The following CDKL4 variants were observed in gnomAD, a reference collection of about 807,000 sequenced individuals.
CDKL4 encodes the protein cyclin dependent kinase like 4, also known as cyclin-dependent kinase-like 4.
A neutral mutation model predicts 42.0 loss-of-function variants in CDKL4; 44 were observed. The ratio of observed to expected loss-of-function variants is 1.05; its 90% CI spans 0.82 to 1.35. CDKL4 has a LOEUF of 1.35. CDKL4 is among the 40% of genes most tolerant of loss of function. The pLI is 0.00. For missense variants in CDKL4, 393 were observed against 369.9 expected, an observed-to-expected ratio of 1.06 and a Z score of -0.51; for synonymous variants, 120 against 121.6, an observed-to-expected ratio of 0.99 and a Z score of 0.09.
chr2:39,230,121 T>G (rs1399559008), intron 1 of CDKL4, among the ~76,000 whole-genome samples: 1 of 152,260 alleles, frequency 6.6e-6, no homozygotes, highest in East Asian at 1.9e-4. Flanking sequence ...GGCTCAAGCC[T>G]GTAATCCCAG....
intron 5 of CDKL4, among the ~76,000 whole-genome samples, chr2:39,191,032 C>T (rs531962277): frequency 1.3e-5 from 2 of 152,242 alleles, no homozygotes; most frequent in South Asian, 2.1e-4. Flanking sequence ...GAATGCCAAG[C>T]GATACTGGAG....
chr2:39,212,265 A>C (rs1283045454), intron 4 of CDKL4, among the ~76,000 whole-genome samples: 19 of 149,474 alleles, frequency 1.3e-4, no homozygotes, highest in Non-Finnish European at 2.7e-4. Flanking sequence ...ACAGAGTCTC[A>C]CACTGTCGCC....
intron 5 of CDKL4, among the ~76,000 whole-genome samples, chr2:39,200,510 A>C (rs985523375): frequency 6.6e-6 from 1 of 152,078 alleles, no homozygotes. Context: ...TATAGAACCA[A>C]AAAAAGAGCC....
intron 1 of CDKL4, among the ~76,000 whole-genome samples, chr2:39,237,168 A>G (rs751726216): frequency 2.0e-5 from 3 of 152,252 alleles, no homozygotes; most frequent in Non-Finnish European, 4.4e-5. Flanking sequence ...CAAAATAATT[A>G]GCAAACCAAA....
At chr2:39,222,716 T>C (rs553571058) in intron 3 of CDKL4, among the ~76,000 whole-genome samples, 226 of 152,132 alleles carry the variant, frequency 1.5e-3, no homozygotes, top group African/African-American at 5.1e-3. Context: ...AGGATACAAG[T>C]AGGGAAGAGA....
chr2:39,183,192 AC>A (rs1407269309), intron 8 of CDKL4, among the ~76,000 whole-genome samples: 2 of 152,026 alleles, frequency 1.3e-5, no homozygotes, highest in Admixed American at 1.3e-4. Context: ...AGGCAGGAGA[AC>A]CACTCGAACC....
At chr2:39,228,263 T>C (rs1430816245) in intron 2 of CDKL4, among the ~76,000 whole-genome samples, 2 of 152,208 alleles carry the variant, frequency 1.3e-5, no homozygotes, top group Non-Finnish European at 2.9e-5. Context: ...CAGAGCTGGC[T>C]AGCTGACCGG....
intron 3 of CDKL4, among the ~76,000 whole-genome samples, chr2:39,216,621 A>G (rs1677934711): frequency 6.6e-6 from 1 of 152,160 alleles, no homozygotes; most frequent in African/African-American, 2.4e-5. Context: ...GGCAGCAGTG[A>G]GAGGAAGGGA....
intron 7 of CDKL4, among the ~76,000 whole-genome samples, chr2:39,185,127 CAT>C (rs1286075565): frequency 6.0e-5 from 8 of 134,366 alleles, no homozygotes; most frequent in Non-Finnish European, 1.1e-4. Flanking sequence ...TATACACACA[CAT>C]ATATATACAT....
chr2:39,170,645 C>T, the CDKL4 span, among the ~76,000 whole-genome samples: 20 of 151,912 alleles, frequency 1.3e-4, no homozygotes, highest in Admixed American at 1.2e-3. Context: ...TTAGGAGAGA[C>T]GGGGTTTCGC....
intron 4 of CDKL4, among the ~76,000 whole-genome samples, chr2:39,209,353 A>G (rs1414977691): frequency 1.3e-5 from 2 of 151,638 alleles, no homozygotes; most frequent in Non-Finnish European, 2.9e-5. Context: ...CCATTTTGAG[A>G]TGAAGCCCCT....
intron 4 of CDKL4, among the ~76,000 whole-genome samples, chr2:39,210,504 C>A (rs529199533): frequency 6.6e-6 from 1 of 152,220 alleles, no homozygotes; most frequent in African/African-American, 2.4e-5. Context: ...TCCACCCATC[C>A]CTCCATCCAG....
At chr2:39,233,332 T>C (rs1466553100) in intron 1 of CDKL4, among the ~76,000 whole-genome samples, 3 of 151,882 alleles carry the variant, frequency 2.0e-5, no homozygotes, top group East Asian at 1.9e-4. Context: ...AAAAGTAACA[T>C]GGGTCTCAAG....
chr2:39,240,578 A>G (rs1391549767), intron 1 of CDKL4, among the ~76,000 whole-genome samples: 1 of 151,996 alleles, frequency 6.6e-6, no homozygotes, highest in Admixed American at 6.6e-5. Context: ...CCAAATGTTC[A>G]TCAACTGATG....
exon 7 of CDKL4, chr2:39,187,693 T>C (rs987641140): frequency 3.7e-6 from 6 of 1,611,280 alleles, no homozygotes; most frequent in Admixed American, 3.3e-5. Flanking sequence ...TTGATTGATG[T>C]CTTGGGATTA....
intron 3 of CDKL4, among the ~76,000 whole-genome samples, chr2:39,225,404 CAA>C (rs3086271): frequency 2.4e-5 from 3 of 122,904 alleles, no homozygotes; most frequent in African/African-American, 8.9e-5. Context: ...GACTCCATCT[CAA>C]AAAAAAAAAA....
intron 3 of CDKL4, among the ~76,000 whole-genome samples, chr2:39,222,366 G>A (rs546206741): frequency 6.6e-6 from 1 of 152,282 alleles, no homozygotes; most frequent in East Asian, 1.9e-4. Flanking sequence ...GAGGCAGGTG[G>A]ATCACCTGAG....
chr2:39,235,901 G>A (rs1294526656), intron 1 of CDKL4, among the ~76,000 whole-genome samples: 1 of 151,794 alleles, frequency 6.6e-6, no homozygotes, highest in Admixed American at 6.6e-5. Context: ...AAAAAAATAT[G>A]AGACATGCTA....
At chr2:39,181,379 T>A (rs1009324607) in intron 8 of CDKL4, among the ~76,000 whole-genome samples, 1 of 152,182 alleles carries the variant, frequency 6.6e-6, no homozygotes, top group African/African-American at 2.4e-5. Flanking sequence ...TTCTAGGTGA[T>A]CTCTTTGCTG....
Sources: gnomAD v4.1 joint callset for allele counts (sites outside exome capture counted in the v4.1 genomes callset) on GRCh38, gnomAD v4.1.1 for gene constraint, MANE v1.5 for transcripts, NCBI Gene and HGNC (gene_info 2026-07-23, HGNC 2026-07-21) for gene names.